The following NRG3 variants were observed in gnomAD, a reference collection of about 807,000 sequenced individuals.
NRG3 encodes neuregulin 3.
Under a neutral mutation model 66.9 loss-of-function variants are expected in NRG3, and 31 were observed. The ratio of observed to expected loss-of-function variants is 0.46; its 90% CI spans 0.35 to 0.63. NRG3 has a LOEUF of 0.63. Among genes scored for constraint, NRG3 ranks in the 20% least tolerant of loss-of-function variants. The pLI is 0.00. For missense variants in NRG3, 910 were observed against 878.9 expected (o/e 1.04, Z -0.45); for synonymous variants, 393 against 359.4 (o/e 1.09, Z -1.06).
At chr10:82,235,043 A>G (rs571161084) in intron 1 of NRG3, among the ~76,000 whole-genome samples, 1 of 152,354 alleles carries the variant, frequency 6.6e-6, no homozygotes, top group East Asian at 1.9e-4. Flanking sequence ...AATTAGGCTC[A>G]GTGTCTTCCT....
intron 1 of NRG3, among the ~76,000 whole-genome samples, chr10:82,262,652 C>T (rs892107679): frequency 2.6e-5 from 4 of 152,168 alleles, no homozygotes; most frequent in Admixed American, 2.0e-4. Context: ...GAACTCCTTA[C>T]TTGATGCTGT....
At chr10:82,641,005 C>A (rs2050536313) in intron 2 of NRG3, among the ~76,000 whole-genome samples, 1 of 119,044 alleles carries the variant, frequency 8.4e-6, no homozygotes, top group East Asian at 2.4e-4. Flanking sequence ...ATTTTTCAGT[C>A]TGTCGTTTTT....
chr10:82,667,320 G>T (rs1295625335), intron 2 of NRG3, among the ~76,000 whole-genome samples: 1 of 152,174 alleles, frequency 6.6e-6, no homozygotes, highest in Non-Finnish European at 1.5e-5. Context: ...ACACTGCCCA[G>T]ATGTGGCTCT....
intron 7 of NRG3, among the ~76,000 whole-genome samples, chr10:82,976,256 A>G (rs960676639): frequency 4.6e-5 from 7 of 152,144 alleles, no homozygotes; most frequent in Admixed American, 2.0e-4. Context: ...GGGTTTCACC[A>G]TGTTGGCCAG....
At chr10:82,515,161 A>G (rs548964980) in intron 2 of NRG3, among the ~76,000 whole-genome samples, 4 of 152,316 alleles carry the variant, frequency 2.6e-5, no homozygotes, top group Admixed American at 2.6e-4. Flanking sequence ...CTTGAAAACT[A>G]TATGATGTAA....
At chr10:82,750,323 A>T (rs759006179) in intron 3 of NRG3, among the ~76,000 whole-genome samples, 1 of 152,170 alleles carries the variant, frequency 6.6e-6, no homozygotes. Flanking sequence ...AGCTATTATC[A>T]TCTTTATTTC....
chr10:82,982,522 C>G lies in NRG3; in HGVS notation c.1584-2576C>G, dbSNP rs568837541. ...AGAAATTTAGCTCTCACTTAAACTT[C>G]TGCTGGAATACCAGTGGTGAGACAC... On this transcript the variant is annotated intron_variant, in intron 8 of 8. Coordinates refer to ENST00000372141, the MANE Select transcript of NRG3 (RefSeq NM_001010848.4). 2.0e-5 allele frequency among the ~76,000 whole-genome samples: 3 copies of G among 152,248 alleles called. No homozygotes were observed. The East Asian group carries it at 5.8e-4, about 30-fold the overall frequency.
At chr10:82,557,088 C>G (rs2132959865) in intron 2 of NRG3, among the ~76,000 whole-genome samples, 1 of 152,256 alleles carries the variant, frequency 6.6e-6, no homozygotes, top group South Asian at 2.1e-4. Context: ...GTGAGTAATG[C>G]TGCAATGAAC....
intron 1 of NRG3, among the ~76,000 whole-genome samples, chr10:82,338,134 A>T (rs1457715866): frequency 6.6e-6 from 1 of 152,158 alleles, no homozygotes; most frequent in Non-Finnish European, 1.5e-5. Context: ...AACATAAAAA[A>T]CTTTTATGGA....
intron 4 of NRG3, among the ~76,000 whole-genome samples, chr10:82,878,551 G>A (rs958573612): frequency 6.6e-6 from 1 of 152,184 alleles, no homozygotes; most frequent in African/African-American, 2.4e-5. Flanking sequence ...AGCGGCAAGT[G>A]CAGAATGCCT....
At chr10:82,172,961 G>T (rs2072745241) in intron 1 of NRG3, among the ~76,000 whole-genome samples, 1 of 152,058 alleles carries the variant, frequency 6.6e-6, no homozygotes, top group Non-Finnish European at 1.5e-5. Flanking sequence ...AATCAACAGG[G>T]AGTCTTCACC....
At chr10:82,819,827 A>G (rs1408599663) in intron 3 of NRG3, among the ~76,000 whole-genome samples, 1 of 152,214 alleles carries the variant, frequency 6.6e-6, no homozygotes, top group Non-Finnish European at 1.5e-5. Context: ...TAGAAAATAG[A>G]GGAGCATTGA....
intron 2 of NRG3, among the ~76,000 whole-genome samples, chr10:82,391,730 A>G (rs754231018): frequency 1.8e-4 from 28 of 152,118 alleles, no homozygotes; most frequent in Non-Finnish European, 3.2e-4. Flanking sequence ...TTAAAGACTT[A>G]TATGTGTGGA....
At chr10:82,034,937 G>T (rs1333435084) in intron 1 of NRG3, among the ~76,000 whole-genome samples, 1 of 151,980 alleles carries the variant, frequency 6.6e-6, no homozygotes, top group Non-Finnish European at 1.5e-5. Flanking sequence ...TTTCTCAGAG[G>T]TGTTGCCTCA....
chr10:81,938,969 G>C (rs1312201563), intron 1 of NRG3, among the ~76,000 whole-genome samples: 1 of 151,990 alleles, frequency 6.6e-6, no homozygotes, highest in Non-Finnish European at 1.5e-5. Context: ...TATCATGAAA[G>C]GGTACTTAAT....
At chr10:82,805,726 C>T (rs2061251880) in intron 3 of NRG3, among the ~76,000 whole-genome samples, 1 of 152,120 alleles carries the variant, frequency 6.6e-6, no homozygotes, top group Admixed American at 6.5e-5. Flanking sequence ...GGAGATGTTC[C>T]TGATGAGCTT....
rs1007137803 is a variant in NRG3 at position 82,259,878 on chromosome 10, G to A, written c.824-98861G>A. ...GGACAGGAGTTTGAAGTTACCATGA[G>A]ATATAATTACACCTTTGCACTCCAA... On this transcript the variant is annotated intron_variant, in intron 1 of 8. Coordinates refer to ENST00000372141, the MANE Select transcript of NRG3 (RefSeq NM_001010848.4). 2.0e-5 allele frequency among the ~76,000 whole-genome samples: 3 copies of A among 151,880 alleles called. No individual in the cohort carries two copies. In the East Asian group the frequency reaches 5.8e-4, roughly 30 times the overall value.
rs760742605 is a variant in NRG3, at chr10:82,985,308, C to T, written c.1794C>T (p.Ile598=). ...QMPGISEVKS[I]KWCKNSYSAD... ...CAGGGATTTCTGAAGTCAAAAGCAT[C>T]AAATGGTGCAAAAACTCCTATTCAG... Residue 598 remains isoleucine (I), a synonymous_variant, in exon 9 of 9, where the codon ATC becomes ATT. Coordinates refer to ENST00000372141, the MANE Select transcript of NRG3 (RefSeq NM_001010848.4). 2.3e-5 allele frequency: 37 copies of T among 1,614,100 alleles called. No homozygotes were observed. The highest frequency in any genetic ancestry group is 3.1e-5 in the Non-Finnish European group (36 of 1,179,996).
intron 4 of NRG3, among the ~76,000 whole-genome samples, chr10:82,925,552 T>G (rs918804882): frequency 2.6e-5 from 4 of 152,256 alleles, no homozygotes; most frequent in Admixed American, 1.3e-4. Flanking sequence ...AGGCATGGCC[T>G]CGCAGAATAG....
Sources: gnomAD v4.1 joint callset for allele counts (sites outside exome capture counted in the v4.1 genomes callset) on GRCh38, gnomAD v4.1.1 for gene constraint, MANE v1.5 for transcripts, NCBI Gene and HGNC (gene_info 2026-07-23, HGNC 2026-07-21) for gene names.